Variants in MGST2 observed in about 807,000 individuals in gnomAD.
MGST2 encodes the protein microsomal glutathione S-transferase 2.
MGST2 carries 9 observed loss-of-function variants against 16.6 expected under a neutral mutation model. The observed-to-expected ratio is 0.54, with a 90% CI of 0.33 to 0.95. MGST2 has a LOEUF of 0.95. Ranked by LOEUF, MGST2 falls within the 40% of genes least tolerant of loss-of-function variation. The pLI, the probability that MGST2 is intolerant of heterozygous loss-of-function variation, is 0.03. For synonymous variants in MGST2, 79 were observed against 68.0 expected (o/e 1.16, Z -0.79); for missense variants, 159 against 175.1 (o/e 0.91, Z 0.52).
chr4:139,748,829 T>G, the MGST2 span, among the ~76,000 whole-genome samples: 13 of 152,172 alleles, frequency 8.5e-5, no homozygotes, highest in African/African-American at 2.9e-4. Context: ...TGACCAGGTA[T>G]TTTGCCAGCG....
chr4:139,725,359 G>A (rs1036430337), intron 5 of MGST2, among the ~76,000 whole-genome samples: 1 of 152,176 alleles, frequency 6.6e-6, no homozygotes, highest in African/African-American at 2.4e-5. Flanking sequence ...TTTTGCCCCT[G>A]TAGTCACTAA....
At chr4:139,702,673 A>G (rs1189014975) in intron 3 of MGST2, among the ~76,000 whole-genome samples, 1 of 151,856 alleles carries the variant, frequency 6.6e-6, no homozygotes, top group African/African-American at 2.4e-5. Flanking sequence ...ACATGCTTTC[A>G]TTTCTCTTGG....
At position 139,735,568 on chromosome 4, in the gene MGST2, C is replaced by A. The variant is rs1728904783; in HGVS notation, c.*49-4644C>A. ...GCACAAAGCCGGCCCGGGGAGGGGG[C>A]GATAAGGAGCGAGCCTCGGGTCGGC... On this transcript the variant is annotated intron_variant, in intron 5 of 5. Transcript: ENST00000616265. This position sits in a 1 kb window ranked among gnomAD's most constrained non-coding sequence, Gnocchi z 5.8. Among the ~76,000 whole-genome samples, 1 of 152,034 alleles carries A rather than the reference C, an allele frequency of 6.6e-6. No individual in the cohort carries two copies. The highest frequency in any genetic ancestry group is 2.1e-4 in the South Asian group (1 of 4,818).
chr4:139,685,312 A>C (rs1731501625), intron 2 of MGST2: 1 of 160,538 alleles, frequency 6.2e-6, no homozygotes, highest in Non-Finnish European at 1.5e-5. Flanking sequence ...TTTGGGAGGG[A>C]CGCACATGGA....
At chr4:139,745,394 G>A (rs952905883), downstream of MGST2, among the ~76,000 whole-genome samples, 8 of 152,216 alleles carry the variant, frequency 5.3e-5, no homozygotes, top group African/African-American at 1.9e-4. Context: ...GAACAGGGCT[G>A]GATCTGGAGA....
chr4:139,743,745 T>C (rs1272483094), downstream of MGST2, among the ~76,000 whole-genome samples: 3 of 152,210 alleles, frequency 2.0e-5, no homozygotes, highest in African/African-American at 4.8e-5. Context: ...TTACTTTCTA[T>C]AGAAAGCCTT....
At chr4:139,745,581 G>A (rs949903239), downstream of MGST2, among the ~76,000 whole-genome samples, 6 of 152,034 alleles carry the variant, frequency 3.9e-5, no homozygotes, top group Non-Finnish European at 8.8e-5. Context: ...GTCATTTTCC[G>A]GTCTGGGATC....
chr4:139,742,142 TTCTTTTC>T (rs1339501805), downstream of MGST2, among the ~76,000 whole-genome samples: 1 of 88,514 alleles, frequency 1.1e-5, no homozygotes. Flanking sequence ...AACTTTTCTT[TTCTTTTC>T]TTTTTTTTTT....
At chr4:139,702,926 A>T (rs867725181) in intron 3 of MGST2, among the ~76,000 whole-genome samples, 99 of 100,332 alleles carry the variant, frequency 9.9e-4, no homozygotes, top group South Asian at 8.8e-3. Flanking sequence ...ATAGTTTTTT[A>T]TTTATTTATT....
At chr4:139,668,678 T>C (rs1220493827) in intron 1 of MGST2, among the ~76,000 whole-genome samples, 1 of 151,678 alleles carries the variant, frequency 6.6e-6, no homozygotes, top group African/African-American at 2.4e-5. Context: ...CACAGGTTTA[T>C]TACAAAAACC....
At chr4:139,737,924 G>A (rs1729008153) in intron 5 of MGST2, among the ~76,000 whole-genome samples, 1 of 152,194 alleles carries the variant, frequency 6.6e-6, no homozygotes, top group Non-Finnish European at 1.5e-5. Flanking sequence ...TCCCCAAGAT[G>A]ATTGAGTTTG....
chr4:139,666,123 T>TGTGC (rs1730337577), intron 1 of MGST2, 46 bp downstream of exon 1: 1 of 1,015,770 alleles, frequency 9.8e-7, no homozygotes. Context: ...TGTGCGTGTG[T>TGTGC]GTGTGTGTGT....
At chr4:139,746,331 T>C in the MGST2 span, among the ~76,000 whole-genome samples, 1 of 152,180 alleles carries the variant, frequency 6.6e-6, no homozygotes, top group Non-Finnish European at 1.5e-5. Flanking sequence ...CTGTTGAAAA[T>C]TTATGATTGA....
chr4:139,719,100 G>A, intron 5 of MGST2: 1 of 533,740 alleles, frequency 1.9e-6, no homozygotes, highest in Non-Finnish European at 3.2e-6. Flanking sequence ...TCGCAGCCGG[G>A]ATCTGCATGG....
At chr4:139,679,831 T>A (rs914803797) in intron 2 of MGST2, among the ~76,000 whole-genome samples, 3 of 152,196 alleles carry the variant, frequency 2.0e-5, no homozygotes, top group African/African-American at 7.2e-5. Flanking sequence ...TATCTTTGAA[T>A]CCTTATGGTT....
chr4:139,671,299 C>T (rs1730680865), intron 1 of MGST2, among the ~76,000 whole-genome samples: 1 of 152,064 alleles, frequency 6.6e-6, no homozygotes, highest in South Asian at 2.1e-4. Flanking sequence ...TTTTTGGTTT[C>T]TCCTCAGCAC....
intron 5 of MGST2, among the ~76,000 whole-genome samples, chr4:139,713,313 G>T (rs1300121716): frequency 6.6e-6 from 1 of 151,610 alleles, no homozygotes; most frequent in Non-Finnish European, 1.5e-5. Flanking sequence ...TAATTCCTGG[G>T]GTTTCAAGAT....
intron 5 of MGST2, chr4:139,730,614 C>T (rs748009799): frequency 3.1e-6 from 5 of 1,612,776 alleles, no homozygotes; most frequent in South Asian, 2.2e-5. Context: ...AGCCTGGGGG[C>T]ACGGAGGACT....
intron 5 of MGST2, chr4:139,719,423 G>C: frequency 6.2e-7 from 1 of 1,614,020 alleles, no homozygotes; most frequent in Non-Finnish European, 8.5e-7. Flanking sequence ...CGGGAGGCCA[G>C]GGAAGGAACC....
Sources: allele counts gnomAD v4.1 joint callset (sites outside exome capture counted in the v4.1 genomes callset), GRCh38; gene constraint gnomAD v4.1.1; non-coding constraint Gnocchi (gnomAD v3.1); transcripts MANE v1.5; gene names NCBI Gene and HGNC (gene_info 2026-07-23, HGNC 2026-07-21).